The following ASIC2 variants were observed in gnomAD, a reference collection of about 807,000 sequenced individuals.
ASIC2 encodes acid-sensing ion channel 2.
Under a neutral mutation model 57.3 loss-of-function variants are expected in ASIC2, and 25 were observed. The ratio of observed to expected loss-of-function variants is 0.44; its 90% CI spans 0.32 to 0.61. The LOEUF is 0.61. Among genes scored for constraint, ASIC2 ranks in the 20% least tolerant of loss-of-function variants. The pLI, the probability that ASIC2 is intolerant of heterozygous loss-of-function variation, is 0.06. For synonymous variants in ASIC2, 319 were observed against 307.5 expected (o/e 1.04, Z -0.39); for missense variants, 641 against 738.1 (o/e 0.87, Z 1.52).
chr17:33,877,265 G>C (rs1914571698), intron 1 of ASIC2, among the ~76,000 whole-genome samples: 1 of 152,170 alleles, frequency 6.6e-6, no homozygotes, highest in Admixed American at 6.5e-5. Flanking sequence ...GTGTCGGACA[G>C]TGGGTGCAGG....
intron 1 of ASIC2, among the ~76,000 whole-genome samples, chr17:33,175,692 C>A (rs1357167747): frequency 6.6e-6 from 1 of 152,146 alleles, no homozygotes; most frequent in African/African-American, 2.4e-5. Context: ...CCAGCGGCTG[C>A]TGCCTCCCCT....
chr17:33,086,683 A>G (rs1191781121), intron 3 of ASIC2, among the ~76,000 whole-genome samples: 4 of 152,100 alleles, frequency 2.6e-5, no homozygotes, highest in African/African-American at 9.7e-5. Context: ...TATCCCTAGA[A>G]TACCTCTATC....
intron 1 of ASIC2, among the ~76,000 whole-genome samples, chr17:33,372,368 GC>G (rs1909103399): frequency 6.6e-6 from 1 of 152,098 alleles, no homozygotes; most frequent in Non-Finnish European, 1.5e-5. Flanking sequence ...TTTGTGGGTG[GC>G]CTGTGTTTCC....
At chr17:33,720,158 G>T (rs148653312) in intron 1 of ASIC2, among the ~76,000 whole-genome samples, 1 of 152,164 alleles carries the variant, frequency 6.6e-6, no homozygotes, top group Non-Finnish European at 1.5e-5. Flanking sequence ...AGAATTATAG[G>T]TGTGAGCCAC....
intron 1 of ASIC2, among the ~76,000 whole-genome samples, chr17:33,531,014 T>C (rs1256631604): frequency 6.6e-6 from 1 of 152,112 alleles, no homozygotes; most frequent in African/African-American, 2.4e-5. Context: ...AAAAAATATT[T>C]AACTTAAAAA....
chr17:33,811,930 C>T (rs1253662164), intron 1 of ASIC2, among the ~76,000 whole-genome samples: 1 of 152,170 alleles, frequency 6.6e-6, no homozygotes, highest in Non-Finnish European at 1.5e-5. Flanking sequence ...TTCTTCAAGA[C>T]CTAGTTTAAG....
At chr17:33,191,290 T>C (rs919625488) in intron 1 of ASIC2, among the ~76,000 whole-genome samples, 1 of 152,166 alleles carries the variant, frequency 6.6e-6, no homozygotes, top group Admixed American at 6.5e-5. Flanking sequence ...TAATCTACAC[T>C]GACAGAGACG....
intron 1 of ASIC2, among the ~76,000 whole-genome samples, chr17:33,790,290 C>T (rs531852140): frequency 1.3e-5 from 2 of 152,034 alleles, no homozygotes; most frequent in East Asian, 3.9e-4. Flanking sequence ...TTTTTTTGAC[C>T]AACTATGCTA....
At chr17:33,194,584 C>G (rs1906553573) in intron 1 of ASIC2, among the ~76,000 whole-genome samples, 1 of 152,174 alleles carries the variant, frequency 6.6e-6, no homozygotes. Context: ...GGATTTGCAG[C>G]ACTGGAATGT....
At chr17:33,987,300 AC>A (rs1169846703) in intron 1 of ASIC2, among the ~76,000 whole-genome samples, 2 of 152,096 alleles carry the variant, frequency 1.3e-5, no homozygotes, top group Non-Finnish European at 2.9e-5. Flanking sequence ...TCTTAGGTGC[AC>A]CCAGTGCTCC....
At chr17:33,499,208 A>G (rs960094425) in intron 1 of ASIC2, among the ~76,000 whole-genome samples, 1 of 152,186 alleles carries the variant, frequency 6.6e-6, no homozygotes, top group African/African-American at 2.4e-5. Context: ...GGACTTTCAC[A>G]AGCAGCTCCA....
chr17:33,560,319 G>A (rs1916035264), intron 1 of ASIC2, among the ~76,000 whole-genome samples: 1 of 152,212 alleles, frequency 6.6e-6, no homozygotes, highest in African/African-American at 2.4e-5. Flanking sequence ...CAGAGAAAGT[G>A]AAATCACCTT....
intron 1 of ASIC2, among the ~76,000 whole-genome samples, chr17:33,644,593 A>G (rs965126009): frequency 6.6e-6 from 1 of 152,252 alleles, no homozygotes; most frequent in Non-Finnish European, 1.5e-5. Context: ...GATTACATGA[A>G]TTAACCCTCA....
intron 1 of ASIC2, among the ~76,000 whole-genome samples, chr17:33,665,189 T>C (rs1415933220): frequency 6.6e-6 from 1 of 152,190 alleles, no homozygotes; most frequent in Non-Finnish European, 1.5e-5. Flanking sequence ...CTCTTCCTCA[T>C]TGTTTGAAAG....
intron 1 of ASIC2, among the ~76,000 whole-genome samples, chr17:34,074,652 C>G (rs1437976833): frequency 6.6e-6 from 1 of 152,156 alleles, no homozygotes; most frequent in Non-Finnish European, 1.5e-5. Flanking sequence ...CCCTACAGAG[C>G]AGAAAACACG....
intron 1 of ASIC2, among the ~76,000 whole-genome samples, chr17:33,615,171 T>C (rs1321359772): frequency 6.6e-6 from 1 of 152,234 alleles, no homozygotes; most frequent in Non-Finnish European, 1.5e-5. Flanking sequence ...TATAAAACTT[T>C]TCTAACTATG....
chr17:33,104,742 T>C (rs996008632), intron 2 of ASIC2, among the ~76,000 whole-genome samples: 3 of 152,244 alleles, frequency 2.0e-5, no homozygotes, highest in African/African-American at 7.2e-5. Flanking sequence ...GCTATTTTCA[T>C]GGCAGGGCTT....
At position 33,474,336 on chromosome 17, in the gene ASIC2, C is replaced by T. The variant is rs572274936; in HGVS notation, c.556-362269G>A. On this transcript the variant is annotated intron_variant, in intron 1 of 9. Coordinates refer to the ASIC2 transcript ENST00000359872. ...GAGCTGAGATTGCACCACTGCACTCCAGCCTGGGTCACAGAGCACGACTCC... is the reference window on the plus strand; with the variant it reads ...GAGCTGAGATTGCACCACTGCACTCTAGCCTGGGTCACAGAGCACGACTCC... Among the ~76,000 whole-genome samples the T allele has an allele frequency of 3.6e-3, 549 of 152,258 alleles. 2 individuals are homozygous for T. Among genetic ancestry groups the T allele is most frequent in the Non-Finnish European group, 6.6e-3 (451 of 68,014 alleles).
rs553818063 is a variant in ASIC2, at chr17:33,088,793, C to T, written c.987+70G>A. ...TTGACCGAGTGGGAATTCCATTTCT[C>T]CTCCTTGTGCCTCTGCAGGGGGTCG... On this transcript the variant is annotated intron_variant, in intron 3 of 9. Coordinates refer to ENST00000225823, the MANE Select transcript of ASIC2 (RefSeq NM_183377.2). 9.4e-6 allele frequency: 14 copies of T among 1,485,132 alleles called. No individual in the cohort carries two copies. The African/African-American group carries it at 1.7e-4, about 18-fold the overall frequency. 92.0% of individuals were successfully genotyped at this position (1,485,132 alleles called of 1,614,324 possible).
Sources: allele counts gnomAD v4.1 joint callset (sites outside exome capture counted in the v4.1 genomes callset), GRCh38; gene constraint gnomAD v4.1.1; transcripts MANE v1.5; gene names NCBI Gene and HGNC (gene_info 2026-07-23, HGNC 2026-07-21).